Variants in RIOK1 observed in about 807,000 individuals in gnomAD.
The protein encoded by RIOK1 is RIO kinase 1.
Under a neutral mutation model 73.5 loss-of-function variants are expected in RIOK1, and 66 were observed. The observed-to-expected ratio is 0.90, with a 90% CI of 0.74 to 1.10. The LOEUF (loss-of-function observed/expected upper bound fraction) is 1.10. Ranked by LOEUF, RIOK1 falls within the 50% of genes least tolerant of loss-of-function variation. The probability of loss-of-function intolerance (pLI) is 0.00; values close to 1 mark genes in which losing one functional copy is unlikely to be tolerated. For synonymous variants in RIOK1, 224 were observed against 226.8 expected (o/e 0.99, Z 0.11); for missense variants, 658 against 699.8 (o/e 0.94, Z 0.67).
At chr6:7,391,311 A>G (rs892028082) in intron 1 of RIOK1, among the ~76,000 whole-genome samples, 1 of 152,318 alleles carries the variant, frequency 6.6e-6, no homozygotes, top group South Asian at 2.1e-4. Flanking sequence ...GGAAACCGAT[A>G]TTATTAAATA....
chr6:7,405,405 T>C, intron 12 of RIOK1, 50 bp downstream of exon 12: 2 of 1,057,250 alleles, frequency 1.9e-6, no homozygotes, highest in Non-Finnish European at 2.9e-6. Context: ...ACAGGTGCAG[T>C]ATCTCTTATC....
rs35248924 is a variant in RIOK1 at position 7,394,892 on chromosome 6, T to TA, written c.277-155dup. On this transcript the variant is annotated intron_variant, in intron 2 of 16. Coordinates refer to ENST00000379834, the MANE Select transcript of RIOK1 (RefSeq NM_031480.3). Reference sequence around the variant, plus strand: ...TTAACCTTCTGTTTCAAATGCTCTTTAAAAAATTTTTTGAGCCAATTTGAT... The same window carrying TA: ...TTAACCTTCTGTTTCAAATGCTCTTTAAAAAAATTTTTTGAGCCAATTTGAT... The TA allele has an allele frequency of 1.3e-5, 14 of 1,068,464 alleles. No homozygotes were observed. In the Admixed American group the frequency reaches 1.7e-4, roughly 13 times the overall value. 66.2% of individuals were successfully genotyped at this position (1,068,464 alleles called of 1,614,324 possible).
chr6:7,407,762 G>A (rs1403728960), intron 12 of RIOK1, among the ~76,000 whole-genome samples: 2 of 151,922 alleles, frequency 1.3e-5, no homozygotes, highest in Non-Finnish European at 2.9e-5. Context: ...TCAAAGTTCT[G>A]GGGTTGCAGG....
Position 7,393,183 on chromosome 6 carries a change from A to G in RIOK1, c.156A>G (p.Glu52=), listed in dbSNP as rs758123885. The part of the protein sequence containing the change: ...DLQDNVNENG[E]GEIEDEEEEG... ...AAGACAATGTGAATGAGAATGGTGA[A>G]GGTGAAATAGAAGATGAGGAGGAGG... The change falls in exon 2 of 17, where the codon GAA becomes GAG. Residue 52 remains glutamate (E), a synonymous_variant. Coordinates refer to ENST00000379834, the MANE Select transcript of RIOK1 (RefSeq NM_031480.3). 1.4e-5 allele frequency: 22 copies of G among 1,613,348 alleles called. No homozygotes were observed. Among genetic ancestry groups the G allele is most frequent in the African/African-American group, 1.2e-4 (9 of 74,898 alleles).
At position 7,393,311 on chromosome 6, in the gene RIOK1, A is replaced by G. The variant is rs543340531; in HGVS notation, c.276+8A>G. 6 of 1,613,094 alleles carry G rather than the reference A, an allele frequency of 3.7e-6. No individual in the cohort carries two copies. The highest frequency in any genetic ancestry group is 1.1e-5 in the South Asian group (1 of 91,062). On this transcript the variant is annotated splice_region_variant and intron_variant, in intron 2 of 16. Coordinates refer to ENST00000379834, the MANE Select transcript of RIOK1 (RefSeq NM_031480.3). ...GGAGGAAGCAACCCACAGGTATTTT[A>G]TAAAGGATCCTGCACATCTTTATGT...
intron 4 of RIOK1, among the ~76,000 whole-genome samples, chr6:7,397,842 G>A (rs371334977): frequency 6.6e-6 from 1 of 152,112 alleles, no homozygotes; most frequent in Non-Finnish European, 1.5e-5. Context: ...GTCTTGAAAC[G>A]ATTTTAAAAA....
At position 7,409,744 on chromosome 6, in the gene RIOK1, A is replaced by G. The variant is rs188369807; in HGVS notation, c.1204-642A>G. Among the ~76,000 whole-genome samples the G allele has an allele frequency of 3.5e-3, 522 of 148,232 alleles. 2 individuals carry two copies. The highest frequency in any genetic ancestry group is 0.012 in the African/African-American group (494 of 40,628). Reference sequence around the variant, plus strand: ...CCTCACCTCCCAAAGTGCTGGGATTAGAGGCGTGAGCCACTGTGCCTGGGT... The same window carrying G: ...CCTCACCTCCCAAAGTGCTGGGATTGGAGGCGTGAGCCACTGTGCCTGGGT... On this transcript the variant is annotated intron_variant, in intron 12 of 16. Transcript: ENST00000379834.
intron 12 of RIOK1, among the ~76,000 whole-genome samples, chr6:7,406,909 G>A (rs555081983): frequency 6.6e-6 from 1 of 152,312 alleles, no homozygotes; most frequent in East Asian, 1.9e-4. Flanking sequence ...TGACCCGCCT[G>A]CATCGGCCTC....
Position 7,406,953 on chromosome 6 carries a change from C to T in RIOK1, c.1203+1598C>T, listed in dbSNP as rs140919368. Reference sequence around the variant, plus strand: ...CTGGGATTGCAGACATGAGTCACCACGCCTGGCCTAGGATTTCTTCTTTTA... The same window carrying T: ...CTGGGATTGCAGACATGAGTCACCATGCCTGGCCTAGGATTTCTTCTTTTA... On this transcript the variant is annotated intron_variant, in intron 12 of 16. Coordinates refer to ENST00000379834, the MANE Select transcript of RIOK1 (RefSeq NM_031480.3). 1.4e-3 allele frequency among the ~76,000 whole-genome samples: 213 copies of T among 152,334 alleles called. 1 individual carries two copies. Among genetic ancestry groups the T allele is most frequent in the African/African-American group, 4.8e-3 (200 of 41,572 alleles).
Position 7,389,986 on chromosome 6 carries a change from G to A in RIOK1, c.-17G>A. The A allele has an allele frequency of 6.5e-7, 1 of 1,549,770 alleles. No homozygotes were observed. Among genetic ancestry groups the A allele is most frequent in the Non-Finnish European group, 8.7e-7 (1 of 1,146,546 alleles). ...TTTCCATCGCAGAGCGGCGGCCTCC[G>A]GCGGCGCTCTCCAGTCATGGACTAC... On this transcript the variant is annotated 5_prime_UTR_variant, in exon 1 of 17. Coordinates refer to ENST00000379834, the MANE Select transcript of RIOK1 (RefSeq NM_031480.3).
In RIOK1 at chr6:7,417,447, G is replaced by A; in HGVS notation, c.*6G>A. The A allele has an allele frequency of 2.0e-6, 3 of 1,490,644 alleles. No individual in the cohort carries two copies. The South Asian group carries it at 3.8e-5, about 19-fold the overall frequency. The allele number at this position is 1,490,644 out of a possible 1,614,324, so 92.3% of individuals were successfully genotyped here. A position where few individuals can be genotyped will look rare whatever the true frequency, so the allele number is the denominator to read the frequency against. On this transcript the variant is annotated 3_prime_UTR_variant, in exon 17 of 17. Coordinates refer to ENST00000379834, the MANE Select transcript of RIOK1 (RefSeq NM_031480.3). ...AGACGAAAAAAGGCAAATAGAATGA[G>A]AACCATATTATGTACAGTCATTTTC...
intron 16 of RIOK1, among the ~76,000 whole-genome samples, chr6:7,416,354 A>G (rs1039335582): frequency 6.6e-6 from 1 of 152,196 alleles, no homozygotes; most frequent in Non-Finnish European, 1.5e-5. Flanking sequence ...TCACATTTCT[A>G]TTAAGGAAGC....
chr6:7,402,660 A>C lies in RIOK1; in HGVS notation c.631A>C (p.Lys211Gln). The C allele has an allele frequency of 1.2e-6, 2 of 1,612,952 alleles. No homozygotes were observed. Among genetic ancestry groups the C allele is most frequent in the Non-Finnish European group, 1.7e-6 (2 of 1,179,202 alleles). ...NGESRAIKIY[K>Q]TSILVFKDRD... is the part of the protein sequence containing the mutation. Reference sequence around the variant, plus strand: ...AGAGAGCAGAGCAATCAAAATTTATAAAACTTCTATTTTGGTGTTCAAAGA... The same window carrying C: ...AGAGAGCAGAGCAATCAAAATTTATCAAACTTCTATTTTGGTGTTCAAAGA... Residue 211 changes from lysine (K) to glutamine (Q), a missense_variant, in exon 7 of 17, where the codon AAA becomes CAA. By Grantham distance (53) the Lys-to-Gln change is moderately conservative. Transcript: ENST00000379834.
intron 12 of RIOK1, among the ~76,000 whole-genome samples, chr6:7,407,429 C>T (rs533032831): frequency 1.3e-5 from 2 of 151,264 alleles, no homozygotes; most frequent in South Asian, 2.1e-4. Flanking sequence ...TTACTAGTGA[C>T]GTTGAGCATC....
Position 7,405,361 on chromosome 6 carries a change from A to G in RIOK1, c.1203+6A>G, listed in dbSNP as rs1243814525. ...TGGATGCTTATCTCTCAAAGGTAAG[A>G]TGGGGAGAGGAAGGAGGAATAGGAA... On this transcript the variant is annotated splice_donor_region_variant and intron_variant, in intron 12 of 16. Coordinates refer to ENST00000379834, the MANE Select transcript of RIOK1 (RefSeq NM_031480.3). 3 of 1,515,238 alleles carry G rather than the reference A, an allele frequency of 2.0e-6. No individual in the cohort carries two copies. The Admixed American group carries it at 5.0e-5, about 25-fold the overall frequency. 93.9% of individuals were successfully genotyped at this position (1,515,238 alleles called of 1,614,324 possible).
intron 6 of RIOK1, among the ~76,000 whole-genome samples, chr6:7,401,457 G>C (rs765364947): frequency 2.0e-5 from 3 of 152,098 alleles, no homozygotes; most frequent in Non-Finnish European, 2.9e-5. Flanking sequence ...GACTACTCCA[G>C]CTTGAAGGAA....
At chr6:7,399,408 C>G (rs1761558749) in intron 5 of RIOK1, among the ~76,000 whole-genome samples, 1 of 152,090 alleles carries the variant, frequency 6.6e-6, no homozygotes, top group African/African-American at 2.4e-5. Context: ...TCATTGTCCC[C>G]TAGTTTATTT....
At chr6:7,408,868 T>G in intron 12 of RIOK1, among the ~76,000 whole-genome samples, 1 of 144,884 alleles carries the variant, frequency 6.9e-6, no homozygotes. Context: ...ATTACAGGCA[T>G]GCGCCCCCAT....
intron 12 of RIOK1, 62 bp from the exon 13 acceptor site, chr6:7,410,324 G>C (rs1432657122): frequency 8.8e-7 from 1 of 1,135,198 alleles, no homozygotes; most frequent in Non-Finnish European, 1.3e-6. Flanking sequence ...CCAAAACTGG[G>C]ACATGGATGT....
Sources: gnomAD v4.1 joint callset for allele counts (sites outside exome capture counted in the v4.1 genomes callset) on GRCh38, gnomAD v4.1.1 for gene constraint, MANE v1.5 for transcripts, NCBI Gene and HGNC (gene_info 2026-07-23, HGNC 2026-07-21) for gene names.